HDAC9: variants seen among roughly 807,000 people sequenced by gnomAD.
The protein encoded by HDAC9 is histone deacetylase 9.
Under a neutral mutation model 139.4 loss-of-function variants are expected in HDAC9, and 41 were observed. That is an observed-to-expected ratio of 0.29 (90% CI 0.23 to 0.38). The LOEUF (loss-of-function observed/expected upper bound fraction) is 0.38, where lower values mean the gene tolerates loss of function less well. Ranked by LOEUF, HDAC9 falls within the 10% of genes least tolerant of loss-of-function variation. HDAC9 has a pLI of 1.00. For missense variants in HDAC9, 1,147 were observed against 1,297.0 expected (o/e 0.88, Z 1.78); for synonymous variants, 517 against 476.2 (o/e 1.09, Z -1.12).
chr7:18,549,276 G>A (rs1323043758), intron 2 of HDAC9, among the ~76,000 whole-genome samples: 1 of 152,112 alleles, frequency 6.6e-6, no homozygotes, highest in Non-Finnish European at 1.5e-5. Context: ...TACCATATAA[G>A]CCAGCAATTG....
chr7:18,786,931 A>G (rs1048594081), intron 16 of HDAC9, among the ~76,000 whole-genome samples: 5 of 149,978 alleles, frequency 3.3e-5, no homozygotes, highest in African/African-American at 4.9e-5. Context: ...GGGTCTTTAC[A>G]TTGCCAAGTG....
chr7:18,489,526 G>C (rs1306285037), intron 1 of HDAC9, among the ~76,000 whole-genome samples: 1 of 151,792 alleles, frequency 6.6e-6, no homozygotes, highest in Non-Finnish European at 1.5e-5. Flanking sequence ...AAAATTTAGG[G>C]AAGACTTGAA....
At chr7:18,606,657 T>C (rs1835593190) in intron 6 of HDAC9, among the ~76,000 whole-genome samples, 1 of 152,136 alleles carries the variant, frequency 6.6e-6, no homozygotes, top group Admixed American at 6.5e-5. Context: ...AATTAGAAAA[T>C]TTTAGCTTCT....
At chr7:18,405,263 C>G (rs1787903518) in intron 1 of HDAC9, among the ~76,000 whole-genome samples, 1 of 152,216 alleles carries the variant, frequency 6.6e-6, no homozygotes. Context: ...TAAAACAGAG[C>G]TGCTTCAGAC....
chr7:18,745,707 T>C (rs1024830830), intron 13 of HDAC9, among the ~76,000 whole-genome samples: 12 of 150,818 alleles, frequency 8.0e-5, no homozygotes, highest in East Asian at 2.0e-4. Flanking sequence ...CCACCACGCC[T>C]GGCTAATTTT....
chr7:18,261,925 C>A (rs1795706577), intron 2 of HDAC9, among the ~76,000 whole-genome samples: 1 of 152,192 alleles, frequency 6.6e-6, no homozygotes, highest in Non-Finnish European at 1.5e-5. Flanking sequence ...TGATTTGCTG[C>A]TTATTAGTGC....
chr7:18,859,852 A>ATG (rs1411117103), intron 21 of HDAC9, among the ~76,000 whole-genome samples: 3 of 124,710 alleles, frequency 2.4e-5, no homozygotes, highest in South Asian at 5.2e-4. Context: ...ATATATATAT[A>ATG]TATATATGTG....
chr7:18,278,726 T>C (rs1796907640), intron 2 of HDAC9, among the ~76,000 whole-genome samples: 1 of 152,198 alleles, frequency 6.6e-6, no homozygotes, highest in Non-Finnish European at 1.5e-5. Flanking sequence ...TTTTCTGTGC[T>C]GAAGTCAATG....
intron 9 of HDAC9, among the ~76,000 whole-genome samples, chr7:18,645,272 G>A (rs1318837597): frequency 1.3e-5 from 2 of 152,136 alleles, no homozygotes; most frequent in Admixed American, 1.3e-4. Context: ...TTGTGAATGA[G>A]TTTATTTTGG....
intron 22 of HDAC9, among the ~76,000 whole-genome samples, chr7:18,915,848 G>C (rs1459721372): frequency 6.6e-6 from 1 of 151,296 alleles, no homozygotes; most frequent in Non-Finnish European, 1.5e-5. Flanking sequence ...CTTTAAAATT[G>C]TGTTCCTTTG....
intron 1 of HDAC9, among the ~76,000 whole-genome samples, chr7:18,144,000 A>C (rs1786104801): frequency 6.6e-6 from 1 of 152,128 alleles, no homozygotes; most frequent in African/African-American, 2.4e-5. Context: ...CTATTTATGC[A>C]AAAAACATAA....
chr7:18,568,026 G>GTATATATA (rs36203178), intron 2 of HDAC9, among the ~76,000 whole-genome samples: 2,530 of 126,684 alleles, frequency 0.02, 113 homozygotes, highest in African/African-American at 0.071. Context: ...ATATGTATAT[G>GTATATATA]TATATATATA....
intron 1 of HDAC9, among the ~76,000 whole-genome samples, chr7:18,459,932 C>T (rs1793685364): frequency 6.6e-6 from 1 of 151,608 alleles, no homozygotes; most frequent in African/African-American, 2.4e-5. Context: ...GAAATGTTAG[C>T]CTACAGATTT....
intron 1 of HDAC9, among the ~76,000 whole-genome samples, chr7:18,145,174 A>G (rs1351805123): frequency 1.3e-5 from 2 of 152,274 alleles, no homozygotes; most frequent in East Asian, 1.9e-4. Flanking sequence ...GATATGGACT[A>G]TATGTCATAT....
chr7:18,395,796 C>A (rs1318330122), intron 1 of HDAC9, among the ~76,000 whole-genome samples: 1 of 152,022 alleles, frequency 6.6e-6, no homozygotes, highest in African/African-American at 2.4e-5. Flanking sequence ...AGCCTAAAGC[C>A]TTTAATTTTA....
rs116588504 is a variant in HDAC9 at position 18,867,849 on chromosome 7, T to C, written c.2685-6629T>C. On this transcript the variant is annotated intron_variant, in intron 21 of 25. Coordinates refer to ENST00000686413, the MANE Select transcript of HDAC9 (RefSeq NM_178425.4). Reference sequence around the variant, plus strand: ...TCTGTGTCTTATATTTTCCCATCTATTTTATACTTTACCTATTTGCTTCCT... The same window carrying C: ...TCTGTGTCTTATATTTTCCCATCTACTTTATACTTTACCTATTTGCTTCCT... 2.5e-3 allele frequency among the ~76,000 whole-genome samples: 384 copies of C among 152,246 alleles called. 2 individuals carry two copies. The highest frequency in any genetic ancestry group is 8.9e-3 in the African/African-American group (368 of 41,552).
chr7:18,716,523 C>T (rs1784710889), intron 12 of HDAC9, among the ~76,000 whole-genome samples: 1 of 147,034 alleles, frequency 6.8e-6, no homozygotes, highest in Non-Finnish European at 1.5e-5. Flanking sequence ...GAATTTTAAA[C>T]ATTTCTAAAG....
At chr7:18,304,908 C>A (rs1356981088) in intron 1 of HDAC9, among the ~76,000 whole-genome samples, 1 of 151,890 alleles carries the variant, frequency 6.6e-6, no homozygotes, top group African/African-American at 2.4e-5. Flanking sequence ...CCCCCACCCC[C>A]ACCTCTGCTG....
At chr7:18,952,840 C>A (rs1782895978) in intron 23 of HDAC9, among the ~76,000 whole-genome samples, 1 of 148,360 alleles carries the variant, frequency 6.7e-6, no homozygotes, top group Non-Finnish European at 1.5e-5. Flanking sequence ...TTTCCTCTCA[C>A]CAAACTGTAT....
Sources: allele counts gnomAD v4.1 joint callset (sites outside exome capture counted in the v4.1 genomes callset), GRCh38; gene constraint gnomAD v4.1.1; transcripts MANE v1.5; gene names NCBI Gene and HGNC (gene_info 2026-07-23, HGNC 2026-07-21).